DLG2: variants seen among roughly 807,000 people sequenced by gnomAD.
DLG2 encodes the protein discs large MAGUK scaffold protein 2.
DLG2 carries 45 observed loss-of-function variants against 132.5 expected under a neutral mutation model. The observed-to-expected ratio is 0.34, with a 90% CI of 0.27 to 0.44. The LOEUF (loss-of-function observed/expected upper bound fraction) is 0.44. Among genes scored for constraint, DLG2 ranks in the 20% least tolerant of loss-of-function variants. The pLI, the probability that DLG2 is intolerant of heterozygous loss-of-function variation, is 1.00. For missense variants in DLG2, 1,045 were observed against 1,196.9 expected, an observed-to-expected ratio of 0.87 and a Z score of 1.87; for synonymous variants, 424 against 419.6, an observed-to-expected ratio of 1.01 and a Z score of -0.13.
At chr11:85,588,164 G>A (rs999170780) in intron 3 of DLG2, among the ~76,000 whole-genome samples, 5 of 152,116 alleles carry the variant, frequency 3.3e-5, no homozygotes, top group Admixed American at 2.6e-4. Flanking sequence ...ATAACCTGAT[G>A]ACAACTATGT....
At chr11:84,346,742 T>C (rs555787751) in intron 7 of DLG2, among the ~76,000 whole-genome samples, 2 of 152,240 alleles carry the variant, frequency 1.3e-5, no homozygotes, top group East Asian at 3.9e-4. Flanking sequence ...CACACCCAGC[T>C]AATTTTTGTA....
intron 7 of DLG2, among the ~76,000 whole-genome samples, chr11:84,303,638 G>A (rs1251610741): frequency 6.6e-6 from 1 of 152,132 alleles, no homozygotes; most frequent in Non-Finnish European, 1.5e-5. Flanking sequence ...TTTCATCACT[G>A]AAATAGTATG....
At chr11:85,157,207 G>C (rs2077650284) in intron 4 of DLG2, among the ~76,000 whole-genome samples, 1 of 152,100 alleles carries the variant, frequency 6.6e-6, no homozygotes, top group Non-Finnish European at 1.5e-5. Flanking sequence ...GGCTTTCCTT[G>C]CTCCTCAGCT....
At chr11:83,749,209 G>T (rs2093139546) in intron 18 of DLG2, among the ~76,000 whole-genome samples, 1 of 152,150 alleles carries the variant, frequency 6.6e-6, no homozygotes, top group Non-Finnish European at 1.5e-5. Flanking sequence ...CATAGAATCA[G>T]GTCACAGTTG....
intron 19 of DLG2, among the ~76,000 whole-genome samples, chr11:83,603,200 C>T (rs753863456): frequency 5.9e-5 from 9 of 152,110 alleles, no homozygotes; most frequent in African/African-American, 9.7e-5. Context: ...CCGATCACCA[C>T]GACAAAGAAT....
chr11:83,639,191 C>G (rs954175932), intron 18 of DLG2, among the ~76,000 whole-genome samples: 1 of 152,170 alleles, frequency 6.6e-6, no homozygotes, highest in African/African-American at 2.4e-5. Flanking sequence ...ATGGCCTGCC[C>G]TCCCCCTTTC....
intron 6 of DLG2, among the ~76,000 whole-genome samples, chr11:84,753,445 T>C (rs2066447338): frequency 6.6e-6 from 1 of 152,196 alleles, no homozygotes; most frequent in Admixed American, 6.5e-5. Context: ...ATACTTTGAA[T>C]ATAGAGCTTA....
chr11:85,427,942 G>A (rs548898847), intron 3 of DLG2, among the ~76,000 whole-genome samples: 2 of 151,860 alleles, frequency 1.3e-5, no homozygotes, highest in South Asian at 4.1e-4. Context: ...ATCTACCAAG[G>A]AAATGGAAAA....
At chr11:83,796,145 G>A (rs2042769330) in intron 17 of DLG2, among the ~76,000 whole-genome samples, 1 of 152,230 alleles carries the variant, frequency 6.6e-6, no homozygotes, top group Non-Finnish European at 1.5e-5. Context: ...GATTGTGAGT[G>A]AATAAGTGAG....
At chr11:84,240,541 C>G (rs2097212961) in intron 8 of DLG2, among the ~76,000 whole-genome samples, 1 of 151,880 alleles carries the variant, frequency 6.6e-6, no homozygotes, top group South Asian at 2.1e-4. Flanking sequence ...AAATAACAAT[C>G]TCCCATGATT....
chr11:84,019,170 G>A (rs1288381363), intron 11 of DLG2, among the ~76,000 whole-genome samples: 1 of 151,454 alleles, frequency 6.6e-6, no homozygotes, highest in African/African-American at 2.4e-5. Flanking sequence ...ATAACAAAAT[G>A]GTAAAAAAAA....
intron 11 of DLG2, among the ~76,000 whole-genome samples, chr11:83,982,119 C>T (rs2092833936): frequency 6.6e-6 from 1 of 152,048 alleles, no homozygotes; most frequent in Non-Finnish European, 1.5e-5. Flanking sequence ...ATAGCATATA[C>T]AATTGTAAAC....
intron 6 of DLG2, among the ~76,000 whole-genome samples, chr11:84,785,817 C>G (rs895472432): frequency 3.3e-5 from 5 of 151,856 alleles, no homozygotes; most frequent in Non-Finnish European, 7.4e-5. Flanking sequence ...CCAGTGGAAG[C>G]TGGTAGGCTT....
chr11:84,522,173 C>T (rs538377931), intron 7 of DLG2, among the ~76,000 whole-genome samples: 4 of 138,400 alleles, frequency 2.9e-5, no homozygotes, highest in South Asian at 4.7e-4. Context: ...GTCTCAAAAA[C>T]GAACAAACAA....
At chr11:83,510,603 G>C (rs1406303961) in intron 21 of DLG2, among the ~76,000 whole-genome samples, 1 of 152,128 alleles carries the variant, frequency 6.6e-6, no homozygotes, top group Non-Finnish European at 1.5e-5. Context: ...TGGTCATGCA[G>C]TAGGAGAGTG....
At chr11:83,825,171 ATTTTTTTTTTTT>A (rs10566177) in intron 17 of DLG2, among the ~76,000 whole-genome samples, 11,557 of 72,648 alleles carry the variant, frequency 0.16, 664 homozygotes, top group South Asian at 0.25. Context: ...ATATATATAT[ATTTTTTTTTTTT>A]TTTTTTTTTT....
At chr11:83,669,501 A>G (rs942521580) in intron 18 of DLG2, among the ~76,000 whole-genome samples, 1 of 152,176 alleles carries the variant, frequency 6.6e-6, no homozygotes, top group African/African-American at 2.4e-5. Context: ...AAGGCTCACA[A>G]AAGAATACAA....
chr11:83,603,241 C>A (rs142483863), intron 19 of DLG2, among the ~76,000 whole-genome samples: 102 of 152,242 alleles, frequency 6.7e-4, no homozygotes, highest in African/African-American at 2.3e-3. Flanking sequence ...CCTCAGGATG[C>A]CATTTTTTAT....
At position 83,836,188 on chromosome 11, in the gene DLG2, T is replaced by C. The variant is rs184452824; in HGVS notation, c.1566-2418A>G. 8.5e-5 allele frequency among the ~76,000 whole-genome samples: 13 copies of C among 152,274 alleles called. No homozygotes were observed. The East Asian group carries it at 1.7e-3, about 20-fold the overall frequency. On this transcript the variant is annotated intron_variant, in intron 16 of 27. Coordinates refer to ENST00000376104, the MANE Select transcript of DLG2 (RefSeq NM_001142699.3). ...TTTTTTATTCTATTCAGGCCTTCAG[T>C]GGATTAGATGAGGATCACACCCCTT...
Sources: allele counts gnomAD v4.1 joint callset (sites outside exome capture counted in the v4.1 genomes callset), GRCh38; gene constraint gnomAD v4.1.1; transcripts MANE v1.5; gene names NCBI Gene and HGNC (gene_info 2026-07-23, HGNC 2026-07-21).